The following THSD7B variants were observed in gnomAD, a reference collection of about 807,000 sequenced individuals.
THSD7B encodes thrombospondin type 1 domain containing 7B.
A neutral mutation model predicts 213.6 loss-of-function variants in THSD7B; 138 were observed. The observed-to-expected ratio is 0.65, with a 90% CI of 0.56 to 0.74. THSD7B has a LOEUF of 0.74. THSD7B is among the 30% of genes least tolerant of loss of function. THSD7B has a pLI of 0.00. For synonymous variants in THSD7B, 742 were observed against 687.0 expected, an observed-to-expected ratio of 1.08 and a Z score of -1.25; for missense variants, 1,931 against 1,991.5, an observed-to-expected ratio of 0.97 and a Z score of 0.58.
At chr2:137,386,911 CTG>C (rs1372059403) in intron 12 of THSD7B, among the ~76,000 whole-genome samples, 3 of 152,200 alleles carry the variant, frequency 2.0e-5, no homozygotes, top group Admixed American at 2.0e-4. Context: ...ATGAGACACA[CTG>C]AGAATTCATA....
chr2:137,001,415 T>C (rs930184199), intron 2 of THSD7B, among the ~76,000 whole-genome samples: 4 of 152,166 alleles, frequency 2.6e-5, no homozygotes, highest in African/African-American at 9.7e-5. Context: ...TGGTTCTTGA[T>C]GCAAGGAAAG....
At chr2:137,033,040 A>G (rs773769034) in intron 2 of THSD7B, among the ~76,000 whole-genome samples, 4 of 152,228 alleles carry the variant, frequency 2.6e-5, no homozygotes, top group South Asian at 2.1e-4. Flanking sequence ...AATTTTTCCA[A>G]TGATTCAAGT....
chr2:137,530,019 T>A (rs1337021059), intron 15 of THSD7B, among the ~76,000 whole-genome samples: 1 of 152,096 alleles, frequency 6.6e-6, no homozygotes, highest in Non-Finnish European at 1.5e-5. Flanking sequence ...AAAACAGTTA[T>A]TGTTAATACC....
chr2:137,054,365 A>C (rs1333293204), intron 2 of THSD7B, among the ~76,000 whole-genome samples: 1 of 152,234 alleles, frequency 6.6e-6, no homozygotes. Flanking sequence ...GAAGGCATTG[A>C]CATGCTATTG....
At chr2:137,247,521 A>T (rs909752712) in intron 10 of THSD7B, among the ~76,000 whole-genome samples, 2 of 152,190 alleles carry the variant, frequency 1.3e-5, no homozygotes, top group Non-Finnish European at 2.9e-5. Context: ...TAAAAATAGA[A>T]TATTCAACAG....
Position 137,620,755 on chromosome 2 carries a change from C to G in THSD7B, c.3799+29C>G, listed in dbSNP as rs544182614. 1.0e-5 allele frequency: 16 copies of G among 1,555,586 alleles called. No individual in the cohort carries two copies. In the East Asian group the frequency reaches 3.6e-4, roughly 35 times the overall value. On this transcript the variant is annotated intron_variant, in intron 20 of 27. Transcript: ENST00000409968. ...TTGGTTTCCCCATATTTCCCACTAA[C>G]TAGTGTAGGTTTCTAAATATCATTC...
At chr2:136,965,942 C>T (rs528957306) in intron 2 of THSD7B, among the ~76,000 whole-genome samples, 2 of 152,260 alleles carry the variant, frequency 1.3e-5, no homozygotes, top group East Asian at 3.9e-4. Context: ...CACTTCTCTG[C>T]ACATATATCC....
chr2:137,399,036 G>A (rs1463454280), intron 12 of THSD7B, among the ~76,000 whole-genome samples: 17 of 151,978 alleles, frequency 1.1e-4, no homozygotes, highest in South Asian at 4.1e-4. Flanking sequence ...CGCACGGTGC[G>A]CGCACCCACT....
At chr2:137,153,592 G>A (rs1374308668) in intron 5 of THSD7B, among the ~76,000 whole-genome samples, 1 of 152,118 alleles carries the variant, frequency 6.6e-6, no homozygotes, top group Non-Finnish European at 1.5e-5. Flanking sequence ...TAAGTTAAAA[G>A]ACTGATTCAT....
chr2:136,979,164 T>C (rs56218642), intron 2 of THSD7B, among the ~76,000 whole-genome samples: 12,431 of 152,232 alleles, frequency 0.082, 811 homozygotes, highest in Non-Finnish European at 0.13. Context: ...AGGTCTGCTG[T>C]TAGTCTGATG....
intron 2 of THSD7B, among the ~76,000 whole-genome samples, chr2:137,005,499 T>C (rs1440946829): frequency 6.6e-6 from 1 of 152,190 alleles, no homozygotes; most frequent in African/African-American, 2.4e-5. Flanking sequence ...TGTGCATAGC[T>C]CAGACTGTGT....
In THSD7B at chr2:137,576,187, A is replaced by G. The variant is rs574416727; in HGVS notation, c.3423+3631A>G. Among the ~76,000 whole-genome samples, 444 of 152,226 alleles carry G rather than the reference A, an allele frequency of 2.9e-3. 4 individuals carry two copies. Among genetic ancestry groups the G allele is most frequent in the African/African-American group, 1.0e-2 (414 of 41,566 alleles). On this transcript the variant is annotated intron_variant, in intron 17 of 27. Coordinates refer to ENST00000409968, the MANE Select transcript of THSD7B (RefSeq NM_001316349.2). ...ATTGAGTAACACAGATTTTCTATTT[A>G]TATCTCTCCTTGGAGTCTTGGCAAA...
chr2:137,225,764 A>G (rs1348336137), intron 7 of THSD7B, among the ~76,000 whole-genome samples: 1 of 122,040 alleles, frequency 8.2e-6, no homozygotes, highest in Non-Finnish European at 1.8e-5. Flanking sequence ...AATATTTGAC[A>G]TTGAGTTTCT....
intron 1 of THSD7B, among the ~76,000 whole-genome samples, chr2:136,830,027 T>C (rs2104946235): frequency 6.6e-6 from 1 of 152,248 alleles, no homozygotes; most frequent in South Asian, 2.1e-4. Flanking sequence ...GCTTAGTTTA[T>C]GTTCAGACAC....
chr2:136,776,618 C>G (rs956468891), intron 1 of THSD7B, among the ~76,000 whole-genome samples: 25 of 152,106 alleles, frequency 1.6e-4, no homozygotes, highest in Non-Finnish European at 1.9e-4. Flanking sequence ...CAGAATTATC[C>G]ATTGATTTGG....
rs1282766081 is a variant in THSD7B, at chr2:136,801,861, A to G, written c.-36+36174A>G. 3.9e-5 allele frequency among the ~76,000 whole-genome samples: 6 copies of G among 152,120 alleles called. No homozygotes were observed. The East Asian group carries it at 1.2e-3, about 29-fold the overall frequency. The stretch of plus-strand genomic sequence containing the variant: ...CTAGAACTAAGAGGAGACTTCAGGG[A>G]AGGAAATGATAGCATCTTAAACCAG... On this transcript the variant is annotated intron_variant, in intron 1 of 27. Transcript: ENST00000409968.
chr2:137,458,552 A>G (rs1584799), intron 15 of THSD7B, among the ~76,000 whole-genome samples: 105,699 of 152,014 alleles, frequency 0.7, 36,936 homozygotes, highest in East Asian at 0.86. Context: ...TGGACGCAAT[A>G]GTTTTGGCAC....
At chr2:137,099,877 C>T (rs7580058) in intron 4 of THSD7B, among the ~76,000 whole-genome samples, 49,413 of 151,966 alleles carry the variant, frequency 0.33, 10,269 homozygotes, top group African/African-American at 0.59. Flanking sequence ...TGAATAGATG[C>T]GCTCTTTTAT....
intron 5 of THSD7B, among the ~76,000 whole-genome samples, chr2:137,154,507 A>C (rs1417811058): frequency 6.6e-6 from 1 of 152,180 alleles, no homozygotes; most frequent in African/African-American, 2.4e-5. Context: ...ATTAATTATA[A>C]TTAATTAAAT....
Sources: allele counts gnomAD v4.1 joint callset (sites outside exome capture counted in the v4.1 genomes callset), GRCh38; gene constraint gnomAD v4.1.1; transcripts MANE v1.5; gene names NCBI Gene and HGNC (gene_info 2026-07-23, HGNC 2026-07-21).